The following MGAT5 variants were observed in gnomAD, a reference collection of about 807,000 sequenced individuals.
MGAT5 encodes alpha-1,6-mannosylglycoprotein 6-beta-N-acetylglucosaminyltransferase A.
MGAT5 carries 30 observed loss-of-function variants against 94.3 expected under a neutral mutation model. That is an observed-to-expected ratio of 0.32 (90% CI 0.24 to 0.43). The LOEUF (loss-of-function observed/expected upper bound fraction) is 0.43. Ranked by LOEUF, MGAT5 falls within the 20% of genes least tolerant of loss-of-function variation. The pLI is 1.00. For synonymous variants in MGAT5, 310 were observed against 322.9 expected, an observed-to-expected ratio of 0.96 and a Z score of 0.43; for missense variants, 691 against 905.5, an observed-to-expected ratio of 0.76 and a Z score of 3.04.
intron 1 of MGAT5, among the ~76,000 whole-genome samples, chr2:134,152,426 G>A (rs1244040182): frequency 6.8e-6 from 1 of 146,688 alleles, no homozygotes; most frequent in African/African-American, 2.5e-5. Flanking sequence ...CACCGCCATG[G>A]GACCTCACTC....
chr2:134,126,498 A>T lies in MGAT5; in HGVS notation c.-143+6207A>T, dbSNP rs189375614. Among the ~76,000 whole-genome samples the T allele has an allele frequency of 2.0e-3, 302 of 152,366 alleles. 2 individuals are homozygous for T. The highest frequency in any genetic ancestry group is 0.018 in the South Asian group (86 of 4,822). On this transcript the variant is annotated intron_variant, in intron 1 of 16. Transcript: ENST00000409645. Reference sequence around the variant, plus strand: ...AAATTAAAAAGAAGGTTGAGAACACATTCAGGTTGTTTTTGCCCTGGCCAG... The same window carrying T: ...AAATTAAAAAGAAGGTTGAGAACACTTTCAGGTTGTTTTTGCCCTGGCCAG...
At chr2:134,394,800 A>G (rs1296748826) in intron 10 of MGAT5, among the ~76,000 whole-genome samples, 1 of 152,182 alleles carries the variant, frequency 6.6e-6, no homozygotes, top group Non-Finnish European at 1.5e-5. Flanking sequence ...CTGTAATAAT[A>G]GGAGACACTT....
At chr2:134,170,911 T>G (rs1365235808) in intron 1 of MGAT5, among the ~76,000 whole-genome samples, 3 of 151,330 alleles carry the variant, frequency 2.0e-5, no homozygotes, top group Non-Finnish European at 2.9e-5. Flanking sequence ...CAGGCTGGAG[T>G]GCAATGGTGC....
intron 1 of MGAT5, among the ~76,000 whole-genome samples, chr2:134,146,032 G>A (rs1411205673): frequency 1.3e-5 from 2 of 152,176 alleles, no homozygotes; most frequent in African/African-American, 2.4e-5. Context: ...TCTCTCATGA[G>A]TTCTTTACTC....
chr2:134,147,670 GT>G (rs1686984571), intron 1 of MGAT5, among the ~76,000 whole-genome samples: 1 of 151,126 alleles, frequency 6.6e-6, no homozygotes, highest in South Asian at 2.1e-4. Flanking sequence ...AGTTGTTTTT[GT>G]TTTGTTGTCC....
chr2:134,247,774 A>T (rs1019796860), intron 1 of MGAT5, among the ~76,000 whole-genome samples: 2 of 152,194 alleles, frequency 1.3e-5, no homozygotes, highest in Non-Finnish European at 2.9e-5. Flanking sequence ...TGAGATGGAC[A>T]CACTTAGGAT....
At chr2:134,374,114 TA>T (rs1681003669) in intron 10 of MGAT5, among the ~76,000 whole-genome samples, 1 of 152,152 alleles carries the variant, frequency 6.6e-6, no homozygotes, top group South Asian at 2.1e-4. Context: ...TGTATGATTT[TA>T]AAATGGAGGT....
chr2:134,242,787 T>C (rs940554328), intron 1 of MGAT5, among the ~76,000 whole-genome samples: 1 of 152,190 alleles, frequency 6.6e-6, no homozygotes, highest in African/African-American at 2.4e-5. Flanking sequence ...TAGCCTCAAA[T>C]CATTTCTCAT....
chr2:134,189,620 T>TTTTTA (rs67734279), intron 1 of MGAT5, among the ~76,000 whole-genome samples: 2 of 138,282 alleles, frequency 1.4e-5, no homozygotes, highest in African/African-American at 5.7e-5. Context: ...TTTTTTTTTT[T>TTTTTA]AAGACAGAGT....
At chr2:134,381,402 A>AT (rs1233833559) in intron 10 of MGAT5, among the ~76,000 whole-genome samples, 129 of 110,594 alleles carry the variant, frequency 1.2e-3, no homozygotes, top group Middle Eastern at 0.012. Flanking sequence ...AGATAGATAG[A>AT]TAGATAGATA....
rs992181184 is a variant in MGAT5 at position 134,452,682 on chromosome 2, A to G, written c.*3835A>G. 3 of 152,218 alleles carry G rather than the reference A, an allele frequency of 2.0e-5. No homozygotes were observed. Among genetic ancestry groups the G allele is most frequent in the African/African-American group, 4.8e-5 (2 of 41,466 alleles). 9.4% of individuals were successfully genotyped at this position (152,218 alleles called of 1,614,324 possible). On this transcript the variant is annotated 3_prime_UTR_variant, in exon 16 of 16. Transcript: ENST00000281923. Reference sequence around the variant, plus strand: ...CCTCACCTCTGGCCAAAAATTCTTGATTTAAAAAGAAAAGTCTATTTTGTT... The same window carrying G: ...CCTCACCTCTGGCCAAAAATTCTTGGTTTAAAAAGAAAAGTCTATTTTGTT...
intron 4 of MGAT5, among the ~76,000 whole-genome samples, chr2:134,334,047 T>G (rs1411369368): frequency 6.6e-6 from 1 of 152,126 alleles, no homozygotes; most frequent in Non-Finnish European, 1.5e-5. Flanking sequence ...TTTCCCACCA[T>G]TACGAGTGCA....
chr2:134,180,663 G>A (rs115817747), intron 1 of MGAT5, among the ~76,000 whole-genome samples: 2,060 of 152,242 alleles, frequency 0.014, 51 homozygotes, highest in African/African-American at 0.047. Flanking sequence ...CCGCACTCCT[G>A]CCCTCACCAC....
intron 1 of MGAT5, among the ~76,000 whole-genome samples, chr2:134,144,333 A>T (rs1573736518): frequency 6.6e-6 from 1 of 152,170 alleles, no homozygotes; most frequent in Non-Finnish European, 1.5e-5. Flanking sequence ...AGCACTTCCC[A>T]TGGCCAGAGC....
At chr2:134,332,827 T>A (rs1290492101) in intron 4 of MGAT5, among the ~76,000 whole-genome samples, 1 of 152,052 alleles carries the variant, frequency 6.6e-6, no homozygotes, top group Non-Finnish European at 1.5e-5. Flanking sequence ...AAAAAACACA[T>A]GAAAAAATGC....
At chr2:134,152,009 C>A in intron 1 of MGAT5, among the ~76,000 whole-genome samples, 1 of 144,410 alleles carries the variant, frequency 6.9e-6, no homozygotes, top group Middle Eastern at 4.3e-3. Flanking sequence ...CACTCATGCC[C>A]TATGGGACCT....
intron 2 of MGAT5, among the ~76,000 whole-genome samples, chr2:134,301,955 A>G (rs910646024): frequency 3.3e-5 from 5 of 152,208 alleles, no homozygotes; most frequent in African/African-American, 1.2e-4. Context: ...TCCACTTCCT[A>G]GATACCAAAA....
At chr2:134,225,799 G>C (rs189731581) in intron 1 of MGAT5, among the ~76,000 whole-genome samples, 27 of 152,146 alleles carry the variant, frequency 1.8e-4, no homozygotes, top group Non-Finnish European at 2.8e-4. Context: ...ACTACATCTC[G>C]TGATAGCATA....
At chr2:134,399,434 C>A (rs1291772471) in intron 10 of MGAT5, among the ~76,000 whole-genome samples, 1 of 152,204 alleles carries the variant, frequency 6.6e-6, no homozygotes, top group Non-Finnish European at 1.5e-5. Context: ...CTCCAGCATG[C>A]GCTCTCCTTC....
Sources: gnomAD v4.1 joint callset for allele counts (sites outside exome capture counted in the v4.1 genomes callset) on GRCh38, gnomAD v4.1.1 for gene constraint, MANE v1.5 for transcripts, NCBI Gene and HGNC (gene_info 2026-07-23, HGNC 2026-07-21) for gene names.